Variants in TAFA1 observed in about 807,000 individuals in gnomAD.
TAFA1 encodes the protein chemokine-like protein TAFA-1.
A neutral mutation model predicts 18.5 loss-of-function variants in TAFA1; 4 were observed. The ratio of observed to expected loss-of-function variants is 0.22; its 90% confidence interval spans 0.11 to 0.49. TAFA1 has a LOEUF of 0.49. Among genes scored for constraint, TAFA1 ranks in the 20% least tolerant of loss-of-function variants. TAFA1 has a pLI of 0.98. For missense variants in TAFA1, 147 were observed against 169.0 expected, an observed-to-expected ratio of 0.87 and a Z score of 0.72; for synonymous variants, 56 against 55.2, an observed-to-expected ratio of 1.01 and a Z score of -0.06.
intron 2 of TAFA1, among the ~76,000 whole-genome samples, chr3:68,185,801 A>G (rs1021118658): frequency 4.6e-5 from 7 of 151,980 alleles, no homozygotes; most frequent in Non-Finnish European, 1.5e-5. Context: ...AGTCCCAGCT[A>G]CTCAGGAGGC....
chr3:68,339,365 G>C (rs147054899), intron 2 of TAFA1, among the ~76,000 whole-genome samples: 143 of 152,338 alleles, frequency 9.4e-4, no homozygotes, highest in Non-Finnish European at 1.5e-3. Flanking sequence ...AGACTTGTAT[G>C]ATTAGAGACA....
At chr3:68,540,551 A>G (rs1015559445) in intron 4 of TAFA1, among the ~76,000 whole-genome samples, 1 of 152,198 alleles carries the variant, frequency 6.6e-6, no homozygotes, top group Non-Finnish European at 1.5e-5. Context: ...TATGGCCAGT[A>G]TGATTGGAAT....
rs145124853 is a variant in TAFA1, at chr3:68,258,569, G to A, written c.119-158711G>A. Among the ~76,000 whole-genome samples, 404 of 152,266 alleles carry A rather than the reference G, an allele frequency of 2.7e-3. 4 individuals are homozygous for A. The highest frequency in any genetic ancestry group is 9.3e-3 in the African/African-American group (387 of 41,564). ...TTCTATTTAACTGAGTGGTTACCATGGTGAATCTAAGTGTTCAGAGAATAA... is the reference window on the plus strand; with the variant it reads ...TTCTATTTAACTGAGTGGTTACCATAGTGAATCTAAGTGTTCAGAGAATAA... On this transcript the variant is annotated intron_variant, in intron 2 of 4. Coordinates refer to ENST00000478136, the MANE Select transcript of TAFA1 (RefSeq NM_213609.4).
chr3:68,426,560 C>T (rs1221294810), intron 3 of TAFA1, among the ~76,000 whole-genome samples: 2 of 151,836 alleles, frequency 1.3e-5, no homozygotes, highest in Non-Finnish European at 2.9e-5. Flanking sequence ...CACTGAACTA[C>T]AGTGTTTCAT....
At chr3:68,490,590 T>C (rs1362550517) in intron 3 of TAFA1, among the ~76,000 whole-genome samples, 1 of 152,176 alleles carries the variant, frequency 6.6e-6, no homozygotes, top group Non-Finnish European at 1.5e-5. Flanking sequence ...CTTTCTTCTA[T>C]TAAGCTAGAC....
intron 2 of TAFA1, among the ~76,000 whole-genome samples, chr3:68,334,824 T>A (rs62245788): frequency 0.033 from 5,034 of 152,198 alleles, 105 homozygotes; most frequent in Non-Finnish European, 0.053. Context: ...TTGCTGTTTG[T>A]TGTATCTTCT....
intron 2 of TAFA1, among the ~76,000 whole-genome samples, chr3:68,209,513 C>T (rs143511492): frequency 1.8e-4 from 27 of 152,090 alleles, no homozygotes; most frequent in Non-Finnish European, 3.8e-4. Flanking sequence ...GGTAGCATAT[C>T]GTATTATCAT....
chr3:68,159,477 C>A (rs962080227), intron 2 of TAFA1, among the ~76,000 whole-genome samples: 7 of 151,978 alleles, frequency 4.6e-5, no homozygotes, highest in African/African-American at 1.7e-4. Context: ...TTGAGTATCC[C>A]CATTTTTCTA....
chr3:68,325,970 C>G (rs1427575893), intron 2 of TAFA1, among the ~76,000 whole-genome samples: 1 of 152,148 alleles, frequency 6.6e-6, no homozygotes, highest in Non-Finnish European at 1.5e-5. Flanking sequence ...AGCTGTTACA[C>G]AAGGGACTCA....
intron 3 of TAFA1, among the ~76,000 whole-genome samples, chr3:68,465,264 G>A (rs1018333265): frequency 9.2e-5 from 14 of 152,256 alleles, no homozygotes; most frequent in African/African-American, 2.9e-4. Flanking sequence ...CTTTGCAGCA[G>A]ATACCTTGTA....
intron 2 of TAFA1, among the ~76,000 whole-genome samples, chr3:68,056,557 G>A (rs576959003): frequency 6.6e-6 from 1 of 152,266 alleles, no homozygotes; most frequent in African/African-American, 2.4e-5. Context: ...AGATAAGACA[G>A]CCAATCAATA....
At chr3:68,541,720 A>G (rs1177391647) in intron 4 of TAFA1, among the ~76,000 whole-genome samples, 5 of 152,190 alleles carry the variant, frequency 3.3e-5, no homozygotes, top group South Asian at 2.1e-4. Flanking sequence ...AGTTTCCTTC[A>G]TACTGTTATT....
At chr3:68,400,629 A>G (rs960961217) in intron 2 of TAFA1, among the ~76,000 whole-genome samples, 1 of 152,202 alleles carries the variant, frequency 6.6e-6, no homozygotes, top group African/African-American at 2.4e-5. Context: ...TCTTTAAGAG[A>G]CAAATCTGTT....
In TAFA1 at chr3:68,545,005, A is replaced by G. The variant is rs2073435431; in HGVS notation, c.*502A>G. ...TTTGAGAATTCAAGATGGCACTGAC[A>G]CGGGAAGGCCAGCTACAGGTGGACT... On this transcript the variant is annotated 3_prime_UTR_variant, in exon 5 of 5. Transcript: ENST00000478136. 6.6e-6 allele frequency: 1 copy of G among 152,494 alleles called. No homozygotes were observed. The highest frequency in any genetic ancestry group is 1.5e-5 in the Non-Finnish European group (1 of 68,016). 9.4% of individuals were successfully genotyped at this position (152,494 alleles called of 1,614,324 possible).
intron 2 of TAFA1, among the ~76,000 whole-genome samples, chr3:68,332,293 A>G (rs1467479789): frequency 6.6e-6 from 1 of 152,198 alleles, no homozygotes; most frequent in South Asian, 2.1e-4. Flanking sequence ...TAAATGTAAC[A>G]TCTGAAACCA....
At chr3:68,075,383 T>C (rs2064810485) in intron 2 of TAFA1, among the ~76,000 whole-genome samples, 1 of 152,226 alleles carries the variant, frequency 6.6e-6, no homozygotes, top group Non-Finnish European at 1.5e-5. Context: ...ACTTGTAGTT[T>C]GTGATAAGAG....
At chr3:68,025,707 T>C (rs1374385274) in intron 2 of TAFA1, among the ~76,000 whole-genome samples, 1 of 152,132 alleles carries the variant, frequency 6.6e-6, no homozygotes, top group Non-Finnish European at 1.5e-5. Context: ...TTGCTCTGTT[T>C]GGAATGCTCT....
At chr3:68,440,838 C>T (rs148340694) in intron 3 of TAFA1, among the ~76,000 whole-genome samples, 2 of 152,288 alleles carry the variant, frequency 1.3e-5, no homozygotes, top group African/African-American at 4.8e-5. Flanking sequence ...CCGCAGCCAA[C>T]ACTGTAACCC....
At chr3:68,254,914 G>A (rs2067269347) in intron 2 of TAFA1, among the ~76,000 whole-genome samples, 1 of 152,116 alleles carries the variant, frequency 6.6e-6, no homozygotes, top group African/African-American at 2.4e-5. Flanking sequence ...AATAGAAAAG[G>A]TAATTTGACA....
Sources: gnomAD v4.1 joint callset for allele counts (sites outside exome capture counted in the v4.1 genomes callset) on GRCh38, gnomAD v4.1.1 for gene constraint, MANE v1.5 for transcripts, NCBI Gene and HGNC (gene_info 2026-07-23, HGNC 2026-07-21) for gene names.